CSMD3: variants seen among roughly 807,000 people sequenced by gnomAD.
The protein encoded by CSMD3 is CUB and Sushi multiple domains 3, also known as CUB and sushi domain-containing protein 3.
Under a neutral mutation model 435.2 loss-of-function variants are expected in CSMD3, and 177 were observed. The observed-to-expected ratio is 0.41, with a 90% CI of 0.36 to 0.46. The LOEUF is 0.46. Among genes scored for constraint, CSMD3 ranks in the 20% least tolerant of loss-of-function variants. The pLI is 0.34. For missense variants in CSMD3, 4,265 were observed against 4,504.6 expected (o/e 0.95, Z 1.52); for synonymous variants, 1,656 against 1,520.5 (o/e 1.09, Z -2.07).
At chr8:112,832,008 C>G (rs1477115583) in intron 11 of CSMD3, among the ~76,000 whole-genome samples, 1 of 152,008 alleles carries the variant, frequency 6.6e-6, no homozygotes, top group Non-Finnish European at 1.5e-5. Flanking sequence ...TCACAGCTTC[C>G]TTGTTAGATT....
intron 13 of CSMD3, among the ~76,000 whole-genome samples, chr8:112,799,134 C>T (rs1437556922): frequency 1.3e-5 from 2 of 151,790 alleles, no homozygotes; most frequent in African/African-American, 4.8e-5. Flanking sequence ...TATAATCAAG[C>T]TAACCTTTTT....
intron 3 of CSMD3, among the ~76,000 whole-genome samples, chr8:113,238,835 T>C (rs1415015749): frequency 6.6e-6 from 1 of 152,118 alleles, no homozygotes; most frequent in East Asian, 1.9e-4. Flanking sequence ...TGTAAACATA[T>C]AGCACATCAG....
intron 5 of CSMD3, among the ~76,000 whole-genome samples, chr8:113,074,832 C>A (rs1257223444): frequency 6.6e-6 from 1 of 151,724 alleles, no homozygotes; most frequent in Non-Finnish European, 1.5e-5. Flanking sequence ...AAACTGTTTT[C>A]TACAGTTTAT....
chr8:112,331,715 T>G (rs1044207005), intron 45 of CSMD3, among the ~76,000 whole-genome samples: 11 of 151,970 alleles, frequency 7.2e-5, no homozygotes, highest in Non-Finnish European at 1.2e-4. Context: ...TTCTGAATTA[T>G]AAAGCAAGGT....
At chr8:113,389,930 C>T (rs1342362803) in intron 1 of CSMD3, among the ~76,000 whole-genome samples, 1 of 151,660 alleles carries the variant, frequency 6.6e-6, no homozygotes, top group East Asian at 1.9e-4. Flanking sequence ...TAGTGACTGA[C>T]TCAGTATTTA....
At chr8:113,196,811 C>T (rs1320075961) in intron 3 of CSMD3, among the ~76,000 whole-genome samples, 3 of 151,228 alleles carry the variant, frequency 2.0e-5, no homozygotes, top group Non-Finnish European at 4.4e-5. Flanking sequence ...ATTAATGACA[C>T]CTATGATTTA....
At chr8:113,180,000 A>T (rs764097502) in intron 3 of CSMD3, among the ~76,000 whole-genome samples, 3 of 151,962 alleles carry the variant, frequency 2.0e-5, no homozygotes, top group Non-Finnish European at 4.4e-5. Context: ...GATAACAGAC[A>T]TCTTGACTAC....
At chr8:112,571,700 C>A (rs2131293189) in intron 24 of CSMD3, among the ~76,000 whole-genome samples, 1 of 151,792 alleles carries the variant, frequency 6.6e-6, no homozygotes, top group Admixed American at 6.6e-5. Context: ...GAAACACCAT[C>A]TCTACTAAAA....
intron 25 of CSMD3, among the ~76,000 whole-genome samples, chr8:112,555,858 G>A (rs1828067163): frequency 6.6e-6 from 1 of 151,966 alleles, no homozygotes; most frequent in Non-Finnish European, 1.5e-5. Flanking sequence ...CATTAAATAT[G>A]TGTAGTTTTT....
chr8:112,830,052 T>A (rs2079823781), intron 11 of CSMD3, among the ~76,000 whole-genome samples: 1 of 152,198 alleles, frequency 6.6e-6, no homozygotes, highest in African/African-American at 2.4e-5. Flanking sequence ...ATTTTCTGCA[T>A]TAAATTTTCA....
rs188591970 is a variant in CSMD3, at chr8:112,818,952, T to C, written c.1859+10734A>G. Among the ~76,000 whole-genome samples, 66 of 152,308 alleles carry C rather than the reference T, an allele frequency of 4.3e-4. 1 individual carries two copies. Among genetic ancestry groups the C allele is most frequent in the Admixed American group, 3.9e-3 (59 of 15,274 alleles). ...TTCTTTTTTTTCTAGAAACTTGTTA[T>C]AAAATTATCAGTTCAAGAGGGATCA... On this transcript the variant is annotated intron_variant, in intron 12 of 70. Transcript: ENST00000297405.
At chr8:112,233,598 T>G (rs188479397) in intron 68 of CSMD3, among the ~76,000 whole-genome samples, 39 of 152,270 alleles carry the variant, frequency 2.6e-4, no homozygotes, top group African/African-American at 9.1e-4. Flanking sequence ...ATTGAAGGCT[T>G]ATTGAAACTT....
intron 12 of CSMD3, among the ~76,000 whole-genome samples, chr8:112,806,639 G>A (rs1474749826): frequency 6.6e-6 from 1 of 152,104 alleles, no homozygotes; most frequent in Non-Finnish European, 1.5e-5. Context: ...GATCATGATT[G>A]TATTACAGGG....
chr8:112,698,450 G>A (rs1415371345), intron 13 of CSMD3, among the ~76,000 whole-genome samples: 2 of 127,808 alleles, frequency 1.6e-5, no homozygotes, highest in Non-Finnish European at 3.2e-5. Flanking sequence ...CAAGTATATT[G>A]AGTACCCAGA....
chr8:112,491,938 T>G (rs565135513), intron 31 of CSMD3, among the ~76,000 whole-genome samples: 1 of 152,112 alleles, frequency 6.6e-6, no homozygotes, highest in Admixed American at 6.6e-5. Flanking sequence ...TGTTTCTCTG[T>G]TTTTCCTTTC....
chr8:112,286,667 TG>T (rs2130628567), intron 58 of CSMD3, among the ~76,000 whole-genome samples: 1 of 152,224 alleles, frequency 6.6e-6, no homozygotes, highest in Admixed American at 6.6e-5. Flanking sequence ...TACAGGTATG[TG>T]TGAAAAAATC....
intron 2 of CSMD3, among the ~76,000 whole-genome samples, chr8:113,279,637 GT>G (rs1036212623): frequency 2.0e-5 from 3 of 151,466 alleles, no homozygotes; most frequent in Non-Finnish European, 3.0e-5. Context: ...GATTTGTTTT[GT>G]TTTTTTAATT....
intron 6 of CSMD3, among the ~76,000 whole-genome samples, chr8:113,018,220 A>G (rs1437141359): frequency 6.6e-6 from 1 of 152,066 alleles, no homozygotes; most frequent in Non-Finnish European, 1.5e-5. Context: ...TTCAAAATAC[A>G]AATTAATTGT....
At chr8:112,803,503 C>G (rs2079008242) in intron 12 of CSMD3, among the ~76,000 whole-genome samples, 1 of 152,092 alleles carries the variant, frequency 6.6e-6, no homozygotes, top group Non-Finnish European at 1.5e-5. Context: ...TTTAGGAAAG[C>G]AGAAATTATG....
Sources: gnomAD v4.1 joint callset for allele counts (sites outside exome capture counted in the v4.1 genomes callset) on GRCh38, gnomAD v4.1.1 for gene constraint, MANE v1.5 for transcripts, NCBI Gene and HGNC (gene_info 2026-07-23, HGNC 2026-07-21) for gene names.